DEPTOR: variants seen among roughly 807,000 people sequenced by gnomAD.
DEPTOR encodes DEP domain containing MTOR interacting protein, also known as DEP domain-containing mTOR-interacting protein.
In DEPTOR, 41 loss-of-function variants were observed where a neutral mutation model predicts 41.6. The ratio of observed to expected loss-of-function variants is 0.98; its 90% CI spans 0.77 to 1.28. DEPTOR has a LOEUF of 1.28. Among genes scored for constraint, DEPTOR ranks in the 50% most tolerant of loss-of-function variants. The pLI is 0.00. For missense variants in DEPTOR, 514 were observed against 527.9 expected (o/e 0.97, Z 0.26); for synonymous variants, 195 against 192.3 (o/e 1.01, Z -0.12).
At chr8:120,028,307 C>T (rs1209887530) in intron 8 of DEPTOR, among the ~76,000 whole-genome samples, 1 of 151,750 alleles carries the variant, frequency 6.6e-6, no homozygotes, top group African/African-American at 2.4e-5. Flanking sequence ...AGACATGAGC[C>T]ACTACGCCTG....
intron 8 of DEPTOR, among the ~76,000 whole-genome samples, chr8:120,043,001 C>G (rs1254506616): frequency 1.3e-5 from 2 of 152,046 alleles, no homozygotes; most frequent in African/African-American, 2.4e-5. Context: ...CAGGTATGTA[C>G]CACCATGCCT....
chr8:119,885,957 GCTTTTGGT>G (rs2129691730), intron 1 of DEPTOR, among the ~76,000 whole-genome samples: 1 of 151,320 alleles, frequency 6.6e-6, no homozygotes, highest in South Asian at 2.1e-4. Context: ...TTCACTCTTT[GCTTTTGGT>G]TCTTTTTTTC....
At chr8:119,981,825 G>A (rs1485423519) in intron 4 of DEPTOR, among the ~76,000 whole-genome samples, 1 of 151,720 alleles carries the variant, frequency 6.6e-6, no homozygotes, top group Non-Finnish European at 1.5e-5. Flanking sequence ...GACCAGCCTG[G>A]CCAACATGGT....
intron 7 of DEPTOR, 38 bp downstream of exon 7, chr8:120,006,913 C>T (rs1461533872): frequency 3.8e-6 from 6 of 1,594,550 alleles, no homozygotes; most frequent in Non-Finnish European, 1.7e-6. Context: ...CCGTGCTGCC[C>T]ATTTTTCTGC....
intron 3 of DEPTOR, among the ~76,000 whole-genome samples, chr8:119,934,830 C>T (rs1175846425): frequency 6.6e-6 from 1 of 152,204 alleles, no homozygotes; most frequent in Non-Finnish European, 1.5e-5. Flanking sequence ...GGCTTTCTCT[C>T]TCTCTGTCTC....
At chr8:119,966,689 C>A (rs572225373) in intron 4 of DEPTOR, among the ~76,000 whole-genome samples, 54 of 152,140 alleles carry the variant, frequency 3.5e-4, no homozygotes, top group Non-Finnish European at 4.1e-4. Context: ...GTTGGCCAGG[C>A]TGGCCTCTAA....
intron 4 of DEPTOR, among the ~76,000 whole-genome samples, chr8:119,996,689 T>C (rs1464158839): frequency 1.3e-5 from 2 of 152,246 alleles, no homozygotes; most frequent in East Asian, 3.8e-4. Context: ...CTCAAAGTAC[T>C]TTGAAGTCTG....
At chr8:120,016,152 A>G (rs1183297541) in intron 8 of DEPTOR, among the ~76,000 whole-genome samples, 1 of 152,198 alleles carries the variant, frequency 6.6e-6, no homozygotes, top group African/African-American at 2.4e-5. Context: ...TAGTACAGAG[A>G]GAGCAAGAGC....
At chr8:119,926,861 C>T (rs1315381662) in intron 1 of DEPTOR, among the ~76,000 whole-genome samples, 5 of 152,126 alleles carry the variant, frequency 3.3e-5, no homozygotes, top group South Asian at 4.1e-4. Flanking sequence ...GCATCATTAA[C>T]ATTCATTCCC....
chr8:119,880,810 T>A (rs1827288850), intron 1 of DEPTOR, among the ~76,000 whole-genome samples: 1 of 152,218 alleles, frequency 6.6e-6, no homozygotes, highest in African/African-American at 2.4e-5. Flanking sequence ...TATTTTGCCA[T>A]CTGTGAGAAT....
At chr8:119,899,176 A>G (rs1322696031) in intron 1 of DEPTOR, among the ~76,000 whole-genome samples, 1 of 152,148 alleles carries the variant, frequency 6.6e-6, no homozygotes, top group Non-Finnish European at 1.5e-5. Flanking sequence ...ATTTTGTCAT[A>G]TATTTATCAG....
intron 1 of DEPTOR, among the ~76,000 whole-genome samples, chr8:119,907,174 C>A (rs1827674718): frequency 6.6e-6 from 1 of 151,974 alleles, no homozygotes; most frequent in South Asian, 2.1e-4. Flanking sequence ...AAGATCTGGC[C>A]CATGACACTA....
chr8:119,994,877 A>G (rs56855054), intron 4 of DEPTOR, among the ~76,000 whole-genome samples: 3,791 of 150,954 alleles, frequency 0.025, 168 homozygotes, highest in African/African-American at 0.086. Flanking sequence ...AGCTTGCACC[A>G]ATGCACTCCA....
chr8:119,977,176 T>G (rs1828707293), intron 4 of DEPTOR, among the ~76,000 whole-genome samples: 1 of 152,138 alleles, frequency 6.6e-6, no homozygotes, highest in Non-Finnish European at 1.5e-5. Flanking sequence ...AATTTTTTTG[T>G]ACTTTTGGTA....
intron 4 of DEPTOR, among the ~76,000 whole-genome samples, chr8:119,991,078 CTTTCTTTCTT>C (rs765816905): frequency 0.072 from 5,156 of 71,762 alleles, 117 homozygotes; most frequent in Non-Finnish European, 0.083. Context: ...TTCTTTCTTT[CTTTCTTTCTT>C]TTTCTTTCTT....
chr8:120,011,959 G>T (rs1283955894), intron 8 of DEPTOR, among the ~76,000 whole-genome samples: 3 of 152,068 alleles, frequency 2.0e-5, no homozygotes, highest in Non-Finnish European at 4.4e-5. Flanking sequence ...CAAAACATCT[G>T]TCCTGAGGTT....
chr8:119,907,094 T>A (rs556969733), intron 1 of DEPTOR, among the ~76,000 whole-genome samples: 2 of 152,210 alleles, frequency 1.3e-5, no homozygotes, highest in Non-Finnish European at 1.5e-5. Flanking sequence ...TTTTTCTGTT[T>A]GACTTTTGAA....
chr8:119,986,100 T>C (rs909207519), intron 4 of DEPTOR, among the ~76,000 whole-genome samples: 2 of 152,142 alleles, frequency 1.3e-5, no homozygotes, highest in African/African-American at 4.8e-5. Context: ...TGCCTGTTAG[T>C]TGATGCAGTT....
At chr8:119,887,802 T>C (rs115090166) in intron 1 of DEPTOR, among the ~76,000 whole-genome samples, 2,803 of 150,318 alleles carry the variant, frequency 0.019, 87 homozygotes, top group African/African-American at 0.063. Context: ...ACTGCAGCTG[T>C]TTTTGTTTTC....
Sources: allele counts gnomAD v4.1 joint callset (sites outside exome capture counted in the v4.1 genomes callset), GRCh38; gene constraint gnomAD v4.1.1; transcripts MANE v1.5; gene names NCBI Gene and HGNC (gene_info 2026-07-23, HGNC 2026-07-21).